The following PRKD3 variants were observed in gnomAD, a reference collection of about 807,000 sequenced individuals.
PRKD3 encodes the protein serine/threonine-protein kinase D3.
In PRKD3, 47 loss-of-function variants were observed where a neutral mutation model predicts 99.2. The ratio of observed to expected loss-of-function variants is 0.47; its 90% CI spans 0.38 to 0.60. The LOEUF is 0.60. Among genes scored for constraint, PRKD3 ranks in the 20% least tolerant of loss-of-function variants. The pLI is 0.00. For synonymous variants in PRKD3, 392 were observed against 355.4 expected (o/e 1.10, Z -1.16); for missense variants, 1,019 against 1,088.4 (o/e 0.94, Z 0.90).
rs1419406944 is a variant in PRKD3, at chr2:37,251,988, A to AT, written c.*1188dup. The AT allele has an allele frequency of 1.3e-5, 2 of 152,176 alleles. No homozygotes were observed. Among genetic ancestry groups the AT allele is most frequent in the Non-Finnish European group, 2.9e-5 (2 of 68,018 alleles). The allele number at this position is 152,176 out of a possible 1,614,324, so 9.4% of individuals were successfully genotyped here. Reference sequence around the variant, plus strand: ...AACTTTGGGGAAGATATTTAAAAATATTTTTTAAATAGCTGGCTGCTGGAG... The same window carrying AT: ...AACTTTGGGGAAGATATTTAAAAATATTTTTTTAAATAGCTGGCTGCTGGAG... On this transcript the variant is annotated 3_prime_UTR_variant, in exon 19 of 19. Transcript: ENST00000234179.
intron 5 of PRKD3, among the ~76,000 whole-genome samples, chr2:37,289,080 TA>T (rs66958653): frequency 0.024 from 3,399 of 143,970 alleles, 59 homozygotes; most frequent in Middle Eastern, 0.056. Context: ...AAAAAAAAAT[TA>T]AAAAAAAAAA....
At position 37,269,692 on chromosome 2, in the gene PRKD3, T is replaced by A; in HGVS notation, c.1705-5A>T. 1 of 1,592,802 alleles carries A rather than the reference T, an allele frequency of 6.3e-7. No individual in the cohort carries two copies. Among genetic ancestry groups the A allele is most frequent in the Admixed American group, 1.7e-5 (1 of 58,818 alleles). On this transcript the variant is annotated splice_polypyrimidine_tract_variant and splice_region_variant and intron_variant, in intron 12 of 18. Coordinates refer to ENST00000234179, the MANE Select transcript of PRKD3 (RefSeq NM_005813.6). ...CTGGTAAACAGTACTGATATCCTGG[T>A]AGGATAAAGTAAGGAGTTAGTATTA...
intron 5 of PRKD3, 133 bp from the exon 6 acceptor site, chr2:37,286,502 T>G: frequency 1.4e-6 from 1 of 700,330 alleles, no homozygotes; most frequent in Non-Finnish European, 2.2e-6. Context: ...TCTCAGCAGT[T>G]TCCTTTGCAA....
At chr2:37,281,099 T>C (rs1409808263) in intron 7 of PRKD3, among the ~76,000 whole-genome samples, 7 of 152,142 alleles carry the variant, frequency 4.6e-5, no homozygotes, top group Admixed American at 6.5e-5. Context: ...CAAAAAGATA[T>C]ACAATAACAA....
chr2:37,319,840 G>C (rs1397509370), intron 1 of PRKD3, among the ~76,000 whole-genome samples: 2 of 152,110 alleles, frequency 1.3e-5, no homozygotes, highest in African/African-American at 4.8e-5. Flanking sequence ...AGAATAAGTG[G>C]TTTTCAAATA....
chr2:37,278,925 ACT>A (rs1669705483), intron 8 of PRKD3: 1 of 123,352 alleles, frequency 8.1e-6, no homozygotes, highest in Non-Finnish European at 1.6e-5. Context: ...ACAGGGCGAG[ACT>A]CTGTCTCAAA....
intron 15 of PRKD3, among the ~76,000 whole-genome samples, 178 bp from the exon 16 acceptor site, chr2:37,259,859 T>G (rs1668274718): frequency 6.6e-6 from 1 of 152,200 alleles, no homozygotes; most frequent in East Asian, 1.9e-4. Context: ...GTAAAAGTAC[T>G]GCTATTTAAT....
At chr2:37,320,621 G>A (rs1671844448) in intron 1 of PRKD3, among the ~76,000 whole-genome samples, 1 of 151,548 alleles carries the variant, frequency 6.6e-6, no homozygotes, top group East Asian at 1.9e-4. Context: ...TAGTAGAGAC[G>A]GGGTTTCATC....
intron 2 of PRKD3, among the ~76,000 whole-genome samples, chr2:37,315,072 A>G (rs773575934): frequency 6.6e-6 from 1 of 152,254 alleles, no homozygotes; most frequent in East Asian, 1.9e-4. Flanking sequence ...AAACAAAGAC[A>G]GTAAGATGAA....
Position 37,260,144 on chromosome 2 carries a change from A to T in PRKD3, c.2046+79T>A. On this transcript the variant is annotated intron_variant, in intron 15 of 18. Transcript: ENST00000234179. Reference sequence around the variant, plus strand: ...GCACCACTGCACTCCAGCCCAGGTGACAGAGTAAGACTCTTGTCTTAAAAA... The same window carrying T: ...GCACCACTGCACTCCAGCCCAGGTGTCAGAGTAAGACTCTTGTCTTAAAAA... The T allele has an allele frequency of 2.3e-6, 3 of 1,308,944 alleles. No individual in the cohort carries two copies. In the South Asian group the frequency reaches 4.3e-5, roughly 19 times the overall value. 81.1% of individuals were successfully genotyped at this position (1,308,944 alleles called of 1,614,324 possible).
intron 13 of PRKD3, chr2:37,269,175 T>C (rs1395057976): frequency 5.2e-6 from 1 of 193,294 alleles, no homozygotes; most frequent in East Asian, 1.2e-4. Flanking sequence ...ACTTCATCAA[T>C]ATCCTAAATC....
intron 2 of PRKD3, among the ~76,000 whole-genome samples, chr2:37,305,966 C>A (rs887945752): frequency 1.6e-4 from 25 of 152,202 alleles, no homozygotes; most frequent in African/African-American, 6.0e-4. Flanking sequence ...TTGAAAAGGG[C>A]CTATCATCAG....
intron 2 of PRKD3, among the ~76,000 whole-genome samples, chr2:37,300,774 CAT>C (rs1670889816): frequency 6.6e-6 from 1 of 152,214 alleles, no homozygotes; most frequent in South Asian, 2.1e-4. Context: ...ATCCTATGTA[CAT>C]ATCTTTTCCC....
intron 15 of PRKD3, among the ~76,000 whole-genome samples, chr2:37,260,016 T>C (rs1668290257): frequency 6.6e-6 from 1 of 151,968 alleles, no homozygotes; most frequent in Non-Finnish European, 1.5e-5. Context: ...AATACAAAAA[T>C]TAGCCAGGCG....
At chr2:37,287,535 G>C (rs572658857) in intron 5 of PRKD3, among the ~76,000 whole-genome samples, 2 of 152,284 alleles carry the variant, frequency 1.3e-5, no homozygotes, top group Admixed American at 6.5e-5. Flanking sequence ...GCAGCTGAAA[G>C]ATCTCAGGAC....
At chr2:37,258,709 CAT>C (rs1279841824) in intron 16 of PRKD3, among the ~76,000 whole-genome samples, 1 of 152,290 alleles carries the variant, frequency 6.6e-6, no homozygotes, top group East Asian at 1.9e-4. Flanking sequence ...CTTTTAACCA[CAT>C]AAACATAAAA....
intron 11 of PRKD3, among the ~76,000 whole-genome samples, chr2:37,273,465 T>TTG (rs1333502234): frequency 6.6e-6 from 1 of 152,196 alleles, no homozygotes; most frequent in Non-Finnish European, 1.5e-5. Context: ...TATTTCTACC[T>TTG]GAGGTTCAAA....
chr2:37,297,375 CAATA>C (rs1670719305), intron 2 of PRKD3, among the ~76,000 whole-genome samples: 2 of 151,994 alleles, frequency 1.3e-5, no homozygotes, highest in African/African-American at 4.8e-5. Context: ...AAAATGTAGA[CAATA>C]AATAGTACAG....
chr2:37,313,262 T>G (rs1450794541), intron 2 of PRKD3, among the ~76,000 whole-genome samples: 1 of 151,488 alleles, frequency 6.6e-6, no homozygotes, highest in Non-Finnish European at 1.5e-5. Flanking sequence ...CCAATAAAAC[T>G]CTATTGACAA....
Sources: gnomAD v4.1 joint callset for allele counts (sites outside exome capture counted in the v4.1 genomes callset) on GRCh38, gnomAD v4.1.1 for gene constraint, MANE v1.5 for transcripts, NCBI Gene and HGNC (gene_info 2026-07-23, HGNC 2026-07-21) for gene names.